PELO: variants seen among roughly 807,000 people sequenced by gnomAD.
PELO encodes protein pelota homolog.
In PELO, 19 loss-of-function variants were observed where a neutral mutation model predicts 25.9. That is an observed-to-expected ratio of 0.73 (90% CI 0.51 to 1.08). PELO has a LOEUF of 1.08. Among genes scored for constraint, PELO ranks in the 50% least tolerant of loss-of-function variants. The probability of loss-of-function intolerance (pLI) is 0.00; values close to 1 mark genes in which losing one functional copy is unlikely to be tolerated. For synonymous variants in PELO, 196 were observed against 192.2 expected (o/e 1.02, Z -0.16); for missense variants, 498 against 491.4 (o/e 1.01, Z -0.13).
chr5:52,797,246 A>G (rs1421213869), intron 1 of PELO, among the ~76,000 whole-genome samples: 1 of 152,108 alleles, frequency 6.6e-6, no homozygotes, highest in African/African-American at 2.4e-5. Flanking sequence ...GAAAGATTTT[A>G]TAGTATACTG....
chr5:52,801,778 C>G lies in PELO; in HGVS notation c.1096C>G (p.Leu366Val). The G allele has an allele frequency of 6.2e-7, 1 of 1,613,986 alleles. No individual in the cohort carries two copies. The highest frequency in any genetic ancestry group is 1.3e-5 in the African/African-American group (1 of 75,062). ...LSQLTGVAAI[L>V]RFPVPELSDQ... ...CCAGTTGACTGGGGTAGCTGCCATT[C>G]TCCGCTTCCCTGTTCCCGAACTTTC... The change falls in exon 3 of 3, where the codon CTC (leucine) becomes GTC (valine). Residue 366 changes from leucine to valine, a missense_variant. Transcript: ENST00000274311.
chr5:52,801,366 T>TG, intron 2 of PELO, 43 bp from the exon 3 acceptor site: 1 of 1,512,342 alleles, frequency 6.6e-7, no homozygotes, highest in Non-Finnish European at 9.1e-7. Context: ...TAATGGGTGT[T>TG]CTAGGAGATT....
rs1748166570 is a variant in PELO at position 52,788,360 on chromosome 5, C to T, written c.-565C>T. The T allele has an allele frequency of 2.6e-6, 4 of 1,510,152 alleles. No homozygotes were observed. Among genetic ancestry groups the T allele is most frequent in the East Asian group, 5.4e-5 (2 of 36,794 alleles). The allele number at this position is 1,510,152 out of a possible 1,614,324, so 93.5% of individuals were successfully genotyped here. A position where few individuals can be genotyped will look rare whatever the true frequency, so the allele number is the denominator to read the frequency against. On this transcript the variant is annotated 5_prime_UTR_variant, in exon 1 of 3. Transcript: ENST00000274311. The stretch of plus-strand genomic sequence containing the variant: ...CGCTGAGGCTGCTCCGGCCATGGCC[C>T]CTCGGCCCCGCGCCCGCCCAGGGGT...
At chr5:52,796,434 T>C (rs1012217122) in intron 1 of PELO, among the ~76,000 whole-genome samples, 4 of 152,046 alleles carry the variant, frequency 2.6e-5, no homozygotes, top group South Asian at 2.1e-4. Context: ...TTTTCTATTT[T>C]AAACAGCCAA....
rs771667455 is a variant in PELO, at chr5:52,800,836, C to T, written c.442C>T (p.His148Tyr). The change falls in exon 2 of 3, where the codon CAT (histidine) becomes TAT (tyrosine). Residue 148 changes from histidine (H) to tyrosine (Y), a missense_variant. His to Tyr is a moderately conservative substitution (Grantham distance 83, BLOSUM62 2). Transcript: ENST00000274311. ...AAVVMQEGLA[H>Y]ICLVTPSMTL... ...TGTGGTCATGCAGGAAGGCCTCGCC[C>T]ATATCTGCTTAGTCACTCCCAGCAT... 2.5e-6 allele frequency: 4 copies of T among 1,609,464 alleles called. No homozygotes were observed. The African/African-American group carries it at 5.3e-5, about 21-fold the overall frequency.
In PELO at chr5:52,800,690, A is replaced by G; in HGVS notation, c.296A>G (p.Tyr99Cys). ...AATGAGTATGTCAAGATGGGGGCTT[A>G]CCACACCATCGAGCTGGAGCCCAAC... The part of the protein sequence containing the change: ...QENEYVKMGA[Y>C]HTIELEPNRQ... The change falls in exon 2 of 3, where the codon TAC (tyrosine) becomes TGC (cysteine). Residue 99 changes from tyrosine to cysteine, a missense_variant. By Grantham distance (194) the Tyr-to-Cys change is radical. Transcript: ENST00000274311. The G allele has an allele frequency of 6.2e-7, 1 of 1,614,180 alleles. No homozygotes were observed. The highest frequency in any genetic ancestry group is 8.5e-7 in the Non-Finnish European group (1 of 1,180,026).
intron 1 of PELO, among the ~76,000 whole-genome samples, chr5:52,790,131 G>T (rs73092763): frequency 0.047 from 7,083 of 152,050 alleles, 550 homozygotes; most frequent in African/African-American, 0.16. Context: ...TGTAACCTGG[G>T]GACTCATCAC....
In PELO at chr5:52,801,897, T is replaced by A; in HGVS notation, c.*57T>A. ...GTTTCCTAAACTGTTACAGTACATT[T>A]CTCAGCATCCTTGTGACAGAAAGCT... On this transcript the variant is annotated 3_prime_UTR_variant, in exon 3 of 3. Coordinates refer to ENST00000274311, the MANE Select transcript of PELO (RefSeq NM_015946.5). 1 of 1,314,178 alleles carries A rather than the reference T, an allele frequency of 7.6e-7. No homozygotes were observed. The highest frequency in any genetic ancestry group is 1.0e-6 in the Non-Finnish European group (1 of 962,994). 81.4% of individuals were successfully genotyped at this position (1,314,178 alleles called of 1,614,324 possible). A position where few individuals can be genotyped will look rare whatever the true frequency, so the allele number is the denominator to read the frequency against.
Position 52,788,296 on chromosome 5 carries a change from G to A in PELO, c.-629G>A, listed in dbSNP as rs1748164332. 7.4e-7 allele frequency: 1 copy of A among 1,352,466 alleles called. No individual in the cohort carries two copies. Among genetic ancestry groups the A allele is most frequent in the South Asian group, 1.5e-5 (1 of 66,450 alleles). 83.8% of individuals were successfully genotyped at this position (1,352,466 alleles called of 1,614,324 possible). ...GGCCCAGCCAGAGAGCGCAGCTCCC[G>A]CGCCCGGTCCTGCCCTGCGAACCAG... On this transcript the variant is annotated 5_prime_UTR_variant, in exon 1 of 3. Coordinates refer to ENST00000274311, the MANE Select transcript of PELO (RefSeq NM_015946.5).
At chr5:52,791,972 C>G (rs1381565974) in intron 1 of PELO, among the ~76,000 whole-genome samples, 2 of 152,156 alleles carry the variant, frequency 1.3e-5, no homozygotes, top group East Asian at 3.9e-4. Flanking sequence ...TTCATTCTCT[C>G]TTGCTCACTC....
At chr5:52,797,397 T>C (rs1455682597) in intron 1 of PELO, among the ~76,000 whole-genome samples, 2 of 152,046 alleles carry the variant, frequency 1.3e-5, no homozygotes, top group Admixed American at 6.5e-5. Flanking sequence ...AATATATGTA[T>C]ATTTTTCTAA....
In PELO at chr5:52,801,794, C is replaced by G; in HGVS notation, c.1112C>G (p.Pro371Arg). The change falls in exon 3 of 3, where the codon CCC becomes CGC. Residue 371 changes from proline (P) to arginine (R), a missense_variant. Coordinates refer to ENST00000274311, the MANE Select transcript of PELO (RefSeq NM_015946.5). ...GCTGCCATTCTCCGCTTCCCTGTTC[C>G]CGAACTTTCTGACCAAGAGGGTGAT... ...GVAAILRFPV[P>R]ELSDQEGDSS... 1.2e-6 allele frequency: 2 copies of G among 1,613,472 alleles called. No individual in the cohort carries two copies. The highest frequency in any genetic ancestry group is 2.2e-5 in the East Asian group (1 of 44,880).
chr5:52,802,063 T>TG lies in PELO; in HGVS notation c.*224dup. On this transcript the variant is annotated 3_prime_UTR_variant, in exon 3 of 3. Coordinates refer to ENST00000274311, the MANE Select transcript of PELO (RefSeq NM_015946.5). ...ACGTACTACCATCTTGATTAAATTG[T>TG]GTAATTTTTTATAGGAATTATGAGT... 1 of 453,124 alleles carries TG rather than the reference T, an allele frequency of 2.2e-6. No individual in the cohort carries two copies. Among genetic ancestry groups the TG allele is most frequent in the East Asian group, 3.8e-5 (1 of 26,452 alleles). 28.1% of individuals were successfully genotyped at this position (453,124 alleles called of 1,614,324 possible).
chr5:52,788,600 T>C lies in PELO; in HGVS notation c.-511+186T>C, dbSNP rs552244161. Reference sequence around the variant, plus strand: ...TTCGCGTTCTGGTTTTGATATGAATTAGTTTTCGTGTCTCTCCAAAGTCCT... The same window carrying C: ...TTCGCGTTCTGGTTTTGATATGAATCAGTTTTCGTGTCTCTCCAAAGTCCT... On this transcript the variant is annotated intron_variant, in intron 1 of 2. Transcript: ENST00000274311. 2.6e-5 allele frequency among the ~76,000 whole-genome samples: 4 copies of C among 152,318 alleles called. No homozygotes were observed. In the East Asian group the frequency reaches 7.7e-4, roughly 29 times the overall value.
rs868452784 is a variant in PELO, at chr5:52,800,144, T to C, written c.-251T>C. 3 of 523,348 alleles carry C rather than the reference T, an allele frequency of 5.7e-6. No individual in the cohort carries two copies. The highest frequency in any genetic ancestry group is 5.2e-4 in the Middle Eastern group (1 of 1,926). The allele number at this position is 523,348 out of a possible 1,614,324, so 32.4% of individuals were successfully genotyped here. On this transcript the variant is annotated 5_prime_UTR_variant, in exon 2 of 3. Coordinates refer to ENST00000274311, the MANE Select transcript of PELO (RefSeq NM_015946.5). The stretch of plus-strand genomic sequence containing the variant: ...GCTGCCAGCGGGAACTGTGTAGGGG[T>C]AGATTTTCGCTGCAGTGTTCCCCGA...
intron 1 of PELO, among the ~76,000 whole-genome samples, chr5:52,790,476 G>C (rs1203378848): frequency 6.6e-6 from 1 of 152,148 alleles, no homozygotes; most frequent in Non-Finnish European, 1.5e-5. Flanking sequence ...ATGTCACCAG[G>C]GCTGCATTTC....
chr5:52,788,139 C>T lies in PELO; in HGVS notation c.-786C>T. ...GCGAAGGGGCGGGCGATGTGGCAAT[C>T]CGTCTGGGATGTGAAAAGCGTGGAG... On this transcript the variant is annotated 5_prime_UTR_variant, in exon 1 of 3. Coordinates refer to ENST00000274311, the MANE Select transcript of PELO (RefSeq NM_015946.5). 2.3e-6 allele frequency: 1 copy of T among 434,922 alleles called. No individual in the cohort carries two copies. Among genetic ancestry groups the T allele is most frequent in the Non-Finnish European group, 4.1e-6 (1 of 244,548 alleles). 26.9% of individuals were successfully genotyped at this position (434,922 alleles called of 1,614,324 possible). A position where few individuals can be genotyped will look rare whatever the true frequency, so the allele number is the denominator to read the frequency against.
chr5:52,789,858 T>TA (rs1484327085), intron 1 of PELO, among the ~76,000 whole-genome samples: 2 of 152,228 alleles, frequency 1.3e-5, no homozygotes, highest in Non-Finnish European at 2.9e-5. Flanking sequence ...GCGTATCCTC[T>TA]AAAAAGACAA....
intron 1 of PELO, 33 bp downstream of exon 1, chr5:52,788,447 G>A: frequency 1.4e-6 from 2 of 1,464,598 alleles, no homozygotes; most frequent in Non-Finnish European, 9.0e-7. Context: ...AGCATCTCCT[G>A]CTCGCGGGCT....
Sources: allele counts gnomAD v4.1 joint callset (sites outside exome capture counted in the v4.1 genomes callset), GRCh38; gene constraint gnomAD v4.1.1; transcripts MANE v1.5; gene names NCBI Gene and HGNC (gene_info 2026-07-23, HGNC 2026-07-21).